PAG1: variants seen among roughly 807,000 people sequenced by gnomAD.
The protein encoded by PAG1 is phosphoprotein membrane anchor with glycosphingolipid microdomains 1.
PAG1 carries 23 observed loss-of-function variants against 31.7 expected under a neutral mutation model. The observed-to-expected ratio is 0.73, with a 90% CI of 0.52 to 1.03. The LOEUF is 1.03. PAG1 is among the 50% of genes least tolerant of loss of function. PAG1 has a pLI of 0.00. For missense variants in PAG1, 473 were observed against 540.7 expected, an observed-to-expected ratio of 0.87 and a Z score of 1.24; for synonymous variants, 214 against 210.3, an observed-to-expected ratio of 1.02 and a Z score of -0.15.
intron 3 of PAG1, among the ~76,000 whole-genome samples, chr8:81,027,904 C>CAAAAAA (rs35780204): frequency 1.3e-4 from 7 of 52,804 alleles, no homozygotes; most frequent in Non-Finnish European, 2.1e-4. Context: ...GACTCCGTCT[C>CAAAAAA]AAAAAAAAAA....
chr8:81,046,164 C>A (rs969320599), intron 2 of PAG1, among the ~76,000 whole-genome samples: 3 of 152,170 alleles, frequency 2.0e-5, no homozygotes, highest in African/African-American at 7.2e-5. Flanking sequence ...ACTTACCAAG[C>A]TTTTGGTCTT....
chr8:81,007,553 T>C (rs868102365), intron 3 of PAG1, among the ~76,000 whole-genome samples: 3 of 141,336 alleles, frequency 2.1e-5, no homozygotes, highest in Admixed American at 8.0e-5. Flanking sequence ...AGGAGAATTG[T>C]TTGAAGCCAG....
intron 1 of PAG1, among the ~76,000 whole-genome samples, chr8:81,076,510 G>A (rs1475912543): frequency 1.3e-5 from 2 of 152,198 alleles, no homozygotes; most frequent in African/African-American, 4.8e-5. Flanking sequence ...GGCATTCAGG[G>A]CTGATAAAAT....
intron 2 of PAG1, among the ~76,000 whole-genome samples, chr8:81,059,646 C>T (rs1808886217): frequency 6.6e-6 from 1 of 152,172 alleles, no homozygotes; most frequent in Non-Finnish European, 1.5e-5. Context: ...TCATTAGCTT[C>T]TCGAAGGAGT....
chr8:81,042,148 A>G (rs960241282), intron 2 of PAG1, among the ~76,000 whole-genome samples: 3 of 152,194 alleles, frequency 2.0e-5, no homozygotes, highest in African/African-American at 7.2e-5. Context: ...AGCTCGAGAG[A>G]CAAATCCATG....
chr8:80,993,057 G>A, intron 4 of PAG1, 46 bp downstream of exon 4: 1 of 1,538,960 alleles, frequency 6.5e-7, no homozygotes, highest in African/African-American at 1.4e-5. Context: ...CTGGGTACAG[G>A]GGATGTATTA....
At chr8:81,110,278 T>C (rs578015071) in intron 1 of PAG1, among the ~76,000 whole-genome samples, 11 of 152,322 alleles carry the variant, frequency 7.2e-5, no homozygotes, top group African/African-American at 2.6e-4. Flanking sequence ...ATATGACCTA[T>C]TTTGTTAAAC....
At chr8:81,027,472 T>C (rs1388530850) in intron 3 of PAG1, among the ~76,000 whole-genome samples, 1 of 152,238 alleles carries the variant, frequency 6.6e-6, no homozygotes, top group Admixed American at 6.5e-5. Flanking sequence ...GATTAACCCT[T>C]ACACAGGCTA....
intron 1 of PAG1, among the ~76,000 whole-genome samples, chr8:81,095,305 G>A (rs985539780): frequency 6.6e-6 from 1 of 152,152 alleles, no homozygotes; most frequent in Non-Finnish European, 1.5e-5. Flanking sequence ...CAAGTATCCT[G>A]GTTTTGAGTT....
chr8:81,103,852 T>C (rs766737443), intron 1 of PAG1, among the ~76,000 whole-genome samples: 4 of 152,208 alleles, frequency 2.6e-5, no homozygotes, highest in African/African-American at 7.2e-5. Flanking sequence ...ATGCCCGCTA[T>C]GGGGAACTGA....
At position 80,972,334 on chromosome 8, in the gene PAG1, C is replaced by G. The variant is rs1807094331; in HGVS notation, c.*4210G>C. The stretch of plus-strand genomic sequence containing the variant: ...CTCATATTAACTATTACAAGGGGCA[C>G]TGGAAAAAAAGGTCATTTGCTCATT... On this transcript the variant is annotated 3_prime_UTR_variant, in exon 9 of 9. Transcript: ENST00000220597. 1 of 152,110 alleles carries G rather than the reference C, an allele frequency of 6.6e-6. No individual in the cohort carries two copies. The highest frequency in any genetic ancestry group is 2.1e-4 in the South Asian group (1 of 4,826). 9.4% of individuals were successfully genotyped at this position (152,110 alleles called of 1,614,324 possible). A position where few individuals can be genotyped will look rare whatever the true frequency, so the allele number is the denominator to read the frequency against.
chr8:81,087,134 G>A (rs755769930), intron 1 of PAG1, among the ~76,000 whole-genome samples: 1 of 152,196 alleles, frequency 6.6e-6, no homozygotes, highest in Non-Finnish European at 1.5e-5. Flanking sequence ...CCCGAGGTCA[G>A]GAGATGGAGA....
At chr8:80,984,736 C>A (rs1369615258) in intron 7 of PAG1, 40 bp downstream of exon 7, 2 of 1,587,816 alleles carry the variant, frequency 1.3e-6, no homozygotes, top group African/African-American at 1.4e-5. Context: ...CTAACCAGAA[C>A]AGGAACCCAC....
At chr8:81,053,478 T>C (rs956053418) in intron 2 of PAG1, among the ~76,000 whole-genome samples, 3 of 152,244 alleles carry the variant, frequency 2.0e-5, no homozygotes, top group African/African-American at 7.2e-5. Flanking sequence ...TCACTGAATA[T>C]ACCTTAAAGC....
intron 2 of PAG1, among the ~76,000 whole-genome samples, chr8:81,046,366 A>G (rs545813325): frequency 1.3e-5 from 2 of 152,228 alleles, no homozygotes; most frequent in South Asian, 4.1e-4. Context: ...AGTTTTTACC[A>G]CCTATGATGT....
intron 3 of PAG1, among the ~76,000 whole-genome samples, chr8:81,021,518 ATGTGTG>A (rs59502689): frequency 1.4e-4 from 19 of 139,674 alleles, no homozygotes; most frequent in African/African-American, 3.8e-4. Flanking sequence ...GTGTGTGTGC[ATGTGTG>A]TGTGTGTGTG....
intron 3 of PAG1, among the ~76,000 whole-genome samples, chr8:81,013,176 C>T (rs1275002521): frequency 1.3e-5 from 2 of 152,228 alleles, no homozygotes; most frequent in African/African-American, 2.4e-5. Context: ...ATTGGCTCCT[C>T]TCCCTAGCTA....
At chr8:81,057,675 C>T (rs748222118) in intron 2 of PAG1, among the ~76,000 whole-genome samples, 3 of 152,066 alleles carry the variant, frequency 2.0e-5, no homozygotes, top group Admixed American at 6.5e-5. Context: ...TGTAACAAAC[C>T]TGCACGTTGT....
intron 2 of PAG1, among the ~76,000 whole-genome samples, chr8:81,068,129 T>G (rs1293619285): frequency 6.6e-6 from 1 of 152,214 alleles, no homozygotes; most frequent in Non-Finnish European, 1.5e-5. Context: ...ACTCCTGGCC[T>G]CAAGTGATCT....
Sources: allele counts gnomAD v4.1 joint callset (sites outside exome capture counted in the v4.1 genomes callset), GRCh38; gene constraint gnomAD v4.1.1; transcripts MANE v1.5; gene names NCBI Gene and HGNC (gene_info 2026-07-23, HGNC 2026-07-21).